Variants in PDE4DIP observed in about 807,000 individuals in gnomAD.
PDE4DIP encodes phosphodiesterase 4D interacting protein, also known as myomegalin.
Under a neutral mutation model 221.4 loss-of-function variants are expected in PDE4DIP, and 59 were observed. The observed-to-expected ratio is 0.27, with a 90% CI of 0.22 to 0.33. The LOEUF (loss-of-function observed/expected upper bound fraction) is 0.33. Ranked by LOEUF, PDE4DIP falls within the 10% of genes least tolerant of loss-of-function variation. The pLI is 1.00. For missense variants in PDE4DIP, 1,036 were observed against 2,154.2 expected (o/e 0.48, Z 10.28); for synonymous variants, 404 against 815.9 (o/e 0.50, Z 8.60).
exon 41 of PDE4DIP, chr1:149,028,653 T>C: frequency 1.2e-6 from 2 of 1,601,670 alleles, no homozygotes; most frequent in Non-Finnish European, 1.7e-6. Flanking sequence ...CACCATGTTC[T>C]GGAGAGCGGC....
intron 17 of PDE4DIP, among the ~76,000 whole-genome samples, chr1:148,976,381 C>G (rs1284547163): frequency 6.6e-6 from 1 of 152,218 alleles, no homozygotes; most frequent in African/African-American, 2.4e-5. Context: ...ACTTACTAGC[C>G]AGCCCTGTGA....
exon 44 of PDE4DIP, chr1:149,032,474 G>C (rs587729098): frequency 2.7e-6 from 1 of 367,766 alleles, no homozygotes; most frequent in East Asian, 4.5e-5. Flanking sequence ...GACACTGCTG[G>C]CGGGGGCTCA....
At chr1:148,922,675 A>C (rs1290981925) in intron 1 of PDE4DIP, among the ~76,000 whole-genome samples, 6 of 146,182 alleles carry the variant, frequency 4.1e-5, no homozygotes, top group Non-Finnish European at 7.5e-5. Context: ...GCAAGCTCCG[A>C]CTCCTGGGTT....
At chr1:149,013,781 CTTTTTTT>C (rs71582768) in intron 32 of PDE4DIP, among the ~76,000 whole-genome samples, 7 of 31,944 alleles carry the variant, frequency 2.2e-4, no homozygotes, top group African/African-American at 6.3e-4. Context: ...CCTTCTTCCT[CTTTTTTT>C]TTTTTTTTTT....
At chr1:148,944,756 A>G (rs2051236374) in intron 5 of PDE4DIP, among the ~76,000 whole-genome samples, 1 of 151,900 alleles carries the variant, frequency 6.6e-6, no homozygotes, top group East Asian at 1.9e-4. Flanking sequence ...CTGTAATCCC[A>G]GCTACTGGGG....
chr1:149,023,684 GTA>G (rs111708218), intron 37 of PDE4DIP, among the ~76,000 whole-genome samples: 29 of 104,520 alleles, frequency 2.8e-4, no homozygotes, highest in Middle Eastern at 6.6e-3. Flanking sequence ...ATATGTACAT[GTA>G]TATGTGTGCA....
At position 149,017,995 on chromosome 1, in the gene PDE4DIP, G is replaced by T. The variant is rs1262086003; in HGVS notation, c.5650+116G>T. 5 of 863,132 alleles carry T rather than the reference G, an allele frequency of 5.8e-6. No homozygotes were observed. The Admixed American group carries it at 1.1e-4, about 19-fold the overall frequency. The allele number at this position is 863,132 out of a possible 1,614,324, so 53.5% of individuals were successfully genotyped here. Reference sequence around the variant, plus strand: ...ATGAACAGTCCAGCAAGGGAGGTGGGCAAGTACTGTCATCCCTACTTTCTG... The same window carrying T: ...ATGAACAGTCCAGCAAGGGAGGTGGTCAAGTACTGTCATCCCTACTTTCTG... On this transcript the variant is annotated intron_variant, in intron 34 of 43. Transcript: ENST00000369354.
chr1:148,918,472 A>G (rs2044627984), intron 1 of PDE4DIP, among the ~76,000 whole-genome samples: 1 of 105,492 alleles, frequency 9.5e-6, no homozygotes, highest in Non-Finnish European at 1.9e-5. Context: ...TGCTCTTTCT[A>G]GTACCTATTA....
At chr1:148,978,940 C>G (rs587637090) in intron 19 of PDE4DIP, among the ~76,000 whole-genome samples, 4 of 151,786 alleles carry the variant, frequency 2.6e-5, no homozygotes, top group African/African-American at 9.7e-5. Context: ...TGGACACATA[C>G]CAATAGTTAT....
intron 37 of PDE4DIP, 36 bp from the exon 41 acceptor site, chr1:149,024,409 A>T: frequency 6.4e-7 from 1 of 1,567,378 alleles, no homozygotes; most frequent in Non-Finnish European, 8.7e-7. Context: ...GCTTGGAAAT[A>T]CTTGGGTCAA....
chr1:148,998,194 C>T, exon 23 of PDE4DIP: 1 of 1,482,898 alleles, frequency 6.7e-7, no homozygotes, highest in Non-Finnish European at 9.4e-7. Flanking sequence ...GACCCAGAAC[C>T]CATCTTTTTC....
rs781999918 is a variant in PDE4DIP, at chr1:149,028,512, G to A, written c.6670-48G>A. 4.1e-5 allele frequency: 64 copies of A among 1,577,550 alleles called. No individual in the cohort carries two copies. In the African/African-American group the frequency reaches 4.5e-4, roughly 11 times the overall value. Reference sequence around the variant, plus strand: ...CACAAAGGAAGCTTGAGCCCATGCAGGGGGAAGAAAGTAATCTCTCCGCTC... The same window carrying A: ...CACAAAGGAAGCTTGAGCCCATGCAAGGGGAAGAAAGTAATCTCTCCGCTC... On this transcript the variant is annotated intron_variant, in intron 40 of 43. Transcript: ENST00000369354.
chr1:148,932,866 G>T, intron 4 of PDE4DIP: 2 of 236,814 alleles, frequency 8.4e-6, no homozygotes, highest in East Asian at 1.7e-4. Context: ...TTAAATCATA[G>T]ACATTGGAGA....
At chr1:148,820,936 C>T (rs1329091458) in intron 1 of PDE4DIP, among the ~76,000 whole-genome samples, 3 of 149,140 alleles carry the variant, frequency 2.0e-5, no homozygotes, top group Non-Finnish European at 4.5e-5. Context: ...CTGCAGGCTC[C>T]GCCCCCTGGG....
chr1:149,030,500 C>A, intron 43 of PDE4DIP: 1 of 973,818 alleles, frequency 1.0e-6, no homozygotes, highest in Non-Finnish European at 1.2e-6. Flanking sequence ...GGTTCACTCT[C>A]ACATTGTCAT....
At chr1:148,991,507 G>C in intron 21 of PDE4DIP, 1 of 972,830 alleles carries the variant, frequency 1.0e-6, no homozygotes, top group African/African-American at 1.7e-5. Flanking sequence ...TCAGTGGTGG[G>C]GAAAGGGTTA....
chr1:148,978,370 A>G (rs1553539535), exon 19 of PDE4DIP: 5 of 1,612,048 alleles, frequency 3.1e-6, no homozygotes, highest in Non-Finnish European at 4.2e-6. Flanking sequence ...AAGTTGCTTC[A>G]GTAGAATCCC....
chr1:148,905,210 G>T (rs1288810801), intron 1 of PDE4DIP, among the ~76,000 whole-genome samples: 22 of 126,114 alleles, frequency 1.7e-4, no homozygotes, highest in Non-Finnish European at 3.1e-4. Flanking sequence ...TTGAGATGGA[G>T]TCTTGCTCTG....
At chr1:148,838,405 TGAGGTCTTAATC>T (rs1352108319) in intron 1 of PDE4DIP, among the ~76,000 whole-genome samples, 45 of 32,346 alleles carry the variant, frequency 1.4e-3, no homozygotes, top group African/African-American at 3.7e-3. Flanking sequence ...CCACCTTAAT[TGAGGTCTTAATC>T]ATGGGTCTAG....
Sources: allele counts gnomAD v4.1 joint callset (sites outside exome capture counted in the v4.1 genomes callset), GRCh38; gene constraint gnomAD v4.1.1; transcripts MANE v1.5; gene names NCBI Gene and HGNC (gene_info 2026-07-23, HGNC 2026-07-21).